ZNRF3: variants seen among roughly 807,000 people sequenced by gnomAD.
ZNRF3 encodes the protein zinc and ring finger 3, also known as E3 ubiquitin-protein ligase ZNRF3.
ZNRF3 carries 23 observed loss-of-function variants against 72.5 expected under a neutral mutation model. That is an observed-to-expected ratio of 0.32 (90% CI 0.23 to 0.45). The LOEUF is 0.45. Ranked by LOEUF, ZNRF3 falls within the 20% of genes least tolerant of loss-of-function variation. ZNRF3 has a pLI of 1.00. For missense variants in ZNRF3, 1,169 were observed against 1,272.1 expected, an observed-to-expected ratio of 0.92 and a Z score of 1.23; for synonymous variants, 610 against 545.3, an observed-to-expected ratio of 1.12 and a Z score of -1.65.
At chr22:28,932,628 G>A (rs936404638) in intron 1 of ZNRF3, among the ~76,000 whole-genome samples, 1 of 152,202 alleles carries the variant, frequency 6.6e-6, no homozygotes, top group Non-Finnish European at 1.5e-5. Flanking sequence ...TCAGCTGAGA[G>A]GCAAAACTGG....
intron 1 of ZNRF3, among the ~76,000 whole-genome samples, chr22:28,939,850 C>G (rs1569253733): frequency 6.6e-6 from 1 of 152,124 alleles, no homozygotes; most frequent in Admixed American, 6.5e-5. Context: ...AACCATCCTT[C>G]CCCCACTGGT....
At chr22:29,020,620 G>A (rs2036516370) in intron 2 of ZNRF3, among the ~76,000 whole-genome samples, 1 of 151,934 alleles carries the variant, frequency 6.6e-6, no homozygotes, top group Admixed American at 6.6e-5. Flanking sequence ...ATGCACGGAT[G>A]TGAAACCCAC....
intron 2 of ZNRF3, among the ~76,000 whole-genome samples, chr22:29,009,628 A>C (rs1251688425): frequency 6.6e-6 from 1 of 152,200 alleles, no homozygotes; most frequent in Non-Finnish European, 1.5e-5. Flanking sequence ...AGAGACCTTA[A>C]AACTTAAAAT....
chr22:28,996,497 A>C (rs1006983900), intron 2 of ZNRF3, among the ~76,000 whole-genome samples: 3 of 152,228 alleles, frequency 2.0e-5, no homozygotes, highest in Non-Finnish European at 2.9e-5. Flanking sequence ...GGAGGTCTGT[A>C]ATCTGAGTTC....
intron 1 of ZNRF3, among the ~76,000 whole-genome samples, chr22:28,937,174 A>ATATATATAT (rs1555970638): frequency 1.4e-4 from 11 of 78,728 alleles, no homozygotes; most frequent in African/African-American, 6.5e-4. Context: ...TCTCTCTTAT[A>ATATATATAT]ATATATATAT....
intron 1 of ZNRF3, among the ~76,000 whole-genome samples, chr22:28,945,157 A>G (rs2123790389): frequency 6.6e-6 from 1 of 151,858 alleles, no homozygotes; most frequent in Non-Finnish European, 1.5e-5. Flanking sequence ...CTCAAAAAAA[A>G]AAAAAAAGTC....
At chr22:28,979,801 T>TGA (rs1235265298) in intron 1 of ZNRF3, among the ~76,000 whole-genome samples, 4 of 152,254 alleles carry the variant, frequency 2.6e-5, no homozygotes, top group Admixed American at 2.6e-4. Context: ...AGGGGACTTC[T>TGA]GAATAAGACT....
At chr22:28,994,329 G>A (rs2036013802) in intron 2 of ZNRF3, among the ~76,000 whole-genome samples, 1 of 151,354 alleles carries the variant, frequency 6.6e-6, no homozygotes, top group Non-Finnish European at 1.5e-5. Context: ...TGGGATTACA[G>A]GCATGCACCA....
At chr22:29,024,284 G>GTTTTTTTTTTTTTTTTTTTTTTT (rs59532780) in intron 2 of ZNRF3, among the ~76,000 whole-genome samples, 3 of 127,826 alleles carry the variant, frequency 2.3e-5, no homozygotes, top group Non-Finnish European at 3.3e-5. Context: ...GGCATTAACT[G>GTTTTTTTTTTTTTTTTTTTTTTT]TTTTTTTTTT....
intron 2 of ZNRF3, among the ~76,000 whole-genome samples, chr22:29,024,841 G>A (rs889867044): frequency 5.3e-5 from 8 of 152,074 alleles, no homozygotes; most frequent in African/African-American, 1.7e-4. Context: ...TGACTGCTTG[G>A]ATGCTGTGTT....
intron 4 of ZNRF3, among the ~76,000 whole-genome samples, chr22:29,044,089 G>C (rs542332020): frequency 3.9e-5 from 6 of 152,186 alleles, no homozygotes; most frequent in Non-Finnish European, 8.8e-5. Flanking sequence ...CAAATATTGG[G>C]ACATTCACAG....
At chr22:28,980,041 C>T (rs181186074) in intron 1 of ZNRF3, among the ~76,000 whole-genome samples, 3 of 152,294 alleles carry the variant, frequency 2.0e-5, no homozygotes, top group African/African-American at 4.8e-5. Flanking sequence ...ATTGATGGAA[C>T]GTCTACTGGT....
intron 1 of ZNRF3, among the ~76,000 whole-genome samples, chr22:28,951,760 G>A (rs535195808): frequency 6.6e-6 from 1 of 152,320 alleles, no homozygotes; most frequent in East Asian, 1.9e-4. Context: ...AGGGTGACCT[G>A]TGCGCCTGCC....
intron 8 of ZNRF3, among the ~76,000 whole-genome samples, chr22:29,053,239 T>C (rs1013932099): frequency 2.6e-5 from 4 of 152,226 alleles, no homozygotes; most frequent in Admixed American, 2.6e-4. Context: ...GCTAAATTAC[T>C]TTGTCTCAAG....
chr22:28,973,385 T>G (rs767361307), intron 1 of ZNRF3, among the ~76,000 whole-genome samples: 3 of 152,228 alleles, frequency 2.0e-5, no homozygotes, highest in African/African-American at 7.2e-5. Flanking sequence ...TTTGGTATGA[T>G]GTCTATTGCC....
At chr22:28,914,538 G>A (rs949989593) in intron 1 of ZNRF3, among the ~76,000 whole-genome samples, 1 of 149,838 alleles carries the variant, frequency 6.7e-6, no homozygotes, top group African/African-American at 2.5e-5. Flanking sequence ...TTGGAGGCCG[G>A]GCACGGTGGC....
At chr22:28,887,237 T>A (rs3030212) in intron 1 of ZNRF3, among the ~76,000 whole-genome samples, 6,802 of 63,198 alleles carry the variant, frequency 0.11, 228 homozygotes, top group South Asian at 0.35. Flanking sequence ...AGAGAGAGAG[T>A]GTGTGTGTGT....
chr22:29,050,801 C>A lies in ZNRF3; in HGVS notation c.2620C>A (p.Arg874=). ...GCCCCACAGGGGCCTGGGAGCAACC[C>A]GGGAAGAGGAGCGGGCTCTGTGCTG... ...PRPHRGLGAT[R]EEERALCCQA... is the part of the protein sequence containing the mutation. Residue 874 remains arginine (R), a synonymous_variant, in exon 8 of 9, where the codon CGG becomes AGG. Coordinates refer to ENST00000544604, the MANE Select transcript of ZNRF3 (RefSeq NM_001206998.2). 1.2e-6 allele frequency: 2 copies of A among 1,608,078 alleles called. No individual in the cohort carries two copies. The highest frequency in any genetic ancestry group is 4.5e-5 in the East Asian group (2 of 44,620).
intron 1 of ZNRF3, among the ~76,000 whole-genome samples, chr22:28,979,392 G>A (rs547844967): frequency 1.3e-5 from 2 of 152,240 alleles, no homozygotes; most frequent in Admixed American, 1.3e-4. Flanking sequence ...TCCTTTCAAG[G>A]TGCTGTCATG....
Sources: gnomAD v4.1 joint callset for allele counts (sites outside exome capture counted in the v4.1 genomes callset) on GRCh38, gnomAD v4.1.1 for gene constraint, MANE v1.5 for transcripts, NCBI Gene and HGNC (gene_info 2026-07-23, HGNC 2026-07-21) for gene names.